The following SUPV3L1 variants were observed in gnomAD, a reference collection of about 807,000 sequenced individuals.
The protein encoded by SUPV3L1 is Suv3 like RNA helicase.
SUPV3L1 carries 35 observed loss-of-function variants against 70.0 expected under a neutral mutation model. The ratio of observed to expected loss-of-function variants is 0.50; its 90% CI spans 0.38 to 0.66. The LOEUF is 0.66. Ranked by LOEUF, SUPV3L1 falls within the 30% of genes least tolerant of loss-of-function variation. SUPV3L1 has a pLI of 0.00. For missense variants in SUPV3L1, 777 were observed against 961.5 expected (o/e 0.81, Z 2.54); for synonymous variants, 364 against 341.9 (o/e 1.06, Z -0.71).
At position 69,187,669 on chromosome 10, in the gene SUPV3L1, T is replaced by A. The variant is rs1842269492; in HGVS notation, c.485T>A (p.Phe162Tyr). ...CATGCGGATGATTTATTCCCATTTT[T>A]CTTGAGACATGCCAAACAAATATTT... ...AAHADDLFPF[F>Y]LRHAKQIFPV... The change falls in exon 4 of 15, where the codon TTC (phenylalanine) becomes TAC (tyrosine). Residue 162 changes from phenylalanine (F) to tyrosine (Y), a missense_variant. By Grantham distance (22) the Phe-to-Tyr change is conservative. Coordinates refer to ENST00000359655, the MANE Select transcript of SUPV3L1 (RefSeq NM_003171.5). 6.2e-7 allele frequency: 1 copy of A among 1,612,810 alleles called. No individual in the cohort carries two copies. The highest frequency in any genetic ancestry group is 8.5e-7 in the Non-Finnish European group (1 of 1,179,600).
At chr10:69,185,653 T>C (rs11812219) in intron 1 of SUPV3L1, among the ~76,000 whole-genome samples, 6,410 of 151,674 alleles carry the variant, frequency 0.042, 482 homozygotes, top group African/African-American at 0.15. Flanking sequence ...AGGCGCCCAA[T>C]AACAGGCCCA....
chr10:69,182,544 A>G (rs1842094885), intron 1 of SUPV3L1: 1 of 985,402 alleles, frequency 1.0e-6, no homozygotes. Context: ...CTGAAAATGT[A>G]AATGTCTTTG....
rs1842900794 is a variant in SUPV3L1, at chr10:69,208,660, A to G, written c.1986A>G (p.Leu662=). 2 of 1,614,238 alleles carry G rather than the reference A, an allele frequency of 1.2e-6. No individual in the cohort carries two copies. Among genetic ancestry groups the G allele is most frequent in the Non-Finnish European group, 1.7e-6 (2 of 1,180,030 alleles). ...ASLIRDLQKE[L]DGIIQDGVHN... ...TTATTCGAGATCTCCAGAAAGAACT[A>G]GATGGTATTATCCAAGATGGTGTGC... Residue 662 remains leucine (L), a synonymous_variant, in exon 15 of 15, where the codon CTA becomes CTG. Coordinates refer to ENST00000359655, the MANE Select transcript of SUPV3L1 (RefSeq NM_003171.5).
rs143044156 is a variant in SUPV3L1 at position 69,206,810 on chromosome 10, C to T, written c.1777-983C>T. ...GATCACAAGGTCGGGAGTTTGAGAC[C>T]AGCCTGACCAACATGATGAAACCCC... On this transcript the variant is annotated intron_variant, in intron 13 of 14. Transcript: ENST00000359655. 8.8e-3 allele frequency among the ~76,000 whole-genome samples: 1,345 copies of T among 152,240 alleles called. 10 individuals carry two copies. The highest frequency in any genetic ancestry group is 0.013 in the Non-Finnish European group (910 of 68,018).
At chr10:69,207,643 T>C in intron 13 of SUPV3L1, 150 bp from the exon 14 acceptor site, 1 of 898,778 alleles carries the variant, frequency 1.1e-6, no homozygotes, top group Admixed American at 2.9e-5. Context: ...TTCTTTAAAA[T>C]GTAGAAGAGT....
intron 1 of SUPV3L1, 70 bp downstream of exon 1, chr10:69,180,632 T>C: frequency 1.3e-6 from 2 of 1,570,968 alleles, no homozygotes; most frequent in South Asian, 1.1e-5. Context: ...GGGAGGAAGC[T>C]ACATCCCCTT....
At chr10:69,200,602 C>A in intron 11 of SUPV3L1, 103 bp downstream of exon 11, 5 of 1,023,986 alleles carry the variant, frequency 4.9e-6, no homozygotes, top group Non-Finnish European at 7.0e-6. Flanking sequence ...TGGATACAGA[C>A]ATAAGTGAAA....
intron 8 of SUPV3L1, among the ~76,000 whole-genome samples, chr10:69,197,716 T>G (rs1842577888): frequency 6.6e-6 from 1 of 152,108 alleles, no homozygotes. Context: ...ACTACAGGTG[T>G]TTGCCACCAT....
rs1238324157 is a variant in SUPV3L1, at chr10:69,200,421, A to C, written c.1440A>C (p.Glu480Asp). The stretch of plus-strand genomic sequence containing the variant: ...GCAGATTCAGCTCACGGTTTAAAGA[A>C]GGAGAGGTTACAACAATGAATCATG... ...RAGRFSSRFK[E>D]GEVTTMNHED... Residue 480 changes from glutamate (E) to aspartate (D), a missense_variant, in exon 11 of 15, where the codon GAA becomes GAC. Coordinates refer to ENST00000359655, the MANE Select transcript of SUPV3L1 (RefSeq NM_003171.5). 2 of 1,614,074 alleles carry C rather than the reference A, an allele frequency of 1.2e-6. No individual in the cohort carries two copies. Among genetic ancestry groups the C allele is most frequent in the East Asian group, 2.2e-5 (1 of 44,898 alleles).
chr10:69,185,898 C>T (rs780989084), intron 1 of SUPV3L1, 89 bp from the exon 2 acceptor site: 2 of 938,524 alleles, frequency 2.1e-6, no homozygotes, highest in Non-Finnish European at 3.5e-6. Context: ...AGACTGCTGC[C>T]TTTAGTGTTA....
rs1232048160 is a variant in SUPV3L1 at position 69,209,078 on chromosome 10, A to C, written c.*43A>C. 3.4e-6 allele frequency: 5 copies of C among 1,491,438 alleles called. No homozygotes were observed. Among genetic ancestry groups the C allele is most frequent in the Non-Finnish European group, 4.5e-6 (5 of 1,123,506 alleles). 92.4% of individuals were successfully genotyped at this position (1,491,438 alleles called of 1,614,324 possible). A position where few individuals can be genotyped will look rare whatever the true frequency, so the allele number is the denominator to read the frequency against. On this transcript the variant is annotated 3_prime_UTR_variant, in exon 15 of 15. Coordinates refer to ENST00000359655, the MANE Select transcript of SUPV3L1 (RefSeq NM_003171.5). The stretch of plus-strand genomic sequence containing the variant: ...TTTTTTTTTATTTAATTTTGCAAAT[A>C]AAAATTTATTTTGAATCCTTTTTCC...
At chr10:69,203,116 T>C in intron 13 of SUPV3L1, 73 bp downstream of exon 13, 1 of 1,448,222 alleles carries the variant, frequency 6.9e-7, no homozygotes, top group South Asian at 1.4e-5. Flanking sequence ...ACTTTGTTAT[T>C]CAAAATAAAA....
At chr10:69,196,853 T>A in intron 7 of SUPV3L1, 139 bp from the exon 8 acceptor site, 1 of 635,158 alleles carries the variant, frequency 1.6e-6, no homozygotes, top group Non-Finnish European at 2.7e-6. Context: ...AAGGTTTGCA[T>A]CAGAGATAAT....
chr10:69,181,597 T>G (rs1362808143), intron 1 of SUPV3L1, among the ~76,000 whole-genome samples: 1 of 152,192 alleles, frequency 6.6e-6, no homozygotes, highest in Non-Finnish European at 1.5e-5. Flanking sequence ...CTGAGTAATT[T>G]ATAAACAATA....
chr10:69,186,345 GAAAAA>G (rs71035072), intron 2 of SUPV3L1, 93 bp from the exon 3 acceptor site: 5 of 551,278 alleles, frequency 9.1e-6, no homozygotes, highest in Non-Finnish European at 1.5e-5. Context: ...AAAAAAAAAA[GAAAAA>G]AAAAGACTCT....
rs767234589 is a variant in SUPV3L1 at position 69,209,025 on chromosome 10, A to G, written c.2351A>G (p.Asp784Gly). 1.4e-5 allele frequency: 22 copies of G among 1,546,716 alleles called. No individual in the cohort carries two copies. The highest frequency in any genetic ancestry group is 3.5e-6 in the Non-Finnish European group (4 of 1,149,526). ...KGTRRKKKEP[D>G]SD ...ACGAGAAGAAAGAAGAAGGAACCTGATTCGGACTAGTTTTCTGTTCCTGTT... is the reference window on the plus strand; with the variant it reads ...ACGAGAAGAAAGAAGAAGGAACCTGGTTCGGACTAGTTTTCTGTTCCTGTT... Residue 784 changes from aspartate (D) to glycine (G), a missense_variant, in exon 15 of 15, where the codon GAT (aspartate) becomes GGT (glycine). By Grantham distance (94) the Asp-to-Gly change is moderately conservative. Around this residue, in one of 2 missense-constraint regions of SUPV3L1, gnomAD observed 619 missense variants for 823.3 expected, o/e 0.75. Transcript: ENST00000359655.
chr10:69,208,719 C>T lies in SUPV3L1; in HGVS notation c.2045C>T (p.Thr682Met), dbSNP rs750919497. Residue 682 changes from threonine to methionine, a missense_variant, in exon 15 of 15, where the codon ACG (threonine) becomes ATG (methionine). By Grantham distance (81) the Thr-to-Met change is moderately conservative. Coordinates refer to ENST00000359655, the MANE Select transcript of SUPV3L1 (RefSeq NM_003171.5). ...NITKLIKMSE[T>M]HKLLNLEGFP... is the part of the protein sequence containing the mutation. ...ACTAAATTGATTAAAATGTCTGAGA[C>T]GCATAAGCTGTTGAATTTGGAGGGC... 25 of 1,614,004 alleles carry T rather than the reference C, an allele frequency of 1.5e-5. No homozygotes were observed. Among genetic ancestry groups the T allele is most frequent in the Middle Eastern group, 1.6e-4 (1 of 6,084 alleles).
rs1842920262 is a variant in SUPV3L1 at position 69,209,082 on chromosome 10, A to G, written c.*47A>G. On this transcript the variant is annotated 3_prime_UTR_variant, in exon 15 of 15. Coordinates refer to ENST00000359655, the MANE Select transcript of SUPV3L1 (RefSeq NM_003171.5). ...TTTTTATTTAATTTTGCAAATAAAA[A>G]TTTATTTTGAATCCTTTTTCCTCAT... 1.3e-6 allele frequency: 2 copies of G among 1,482,464 alleles called. No homozygotes were observed. Among genetic ancestry groups the G allele is most frequent in the East Asian group, 4.8e-5 (2 of 41,746 alleles). The allele number at this position is 1,482,464 out of a possible 1,614,324, so 91.8% of individuals were successfully genotyped here.
chr10:69,187,536 C>A, intron 3 of SUPV3L1, 106 bp from the exon 4 acceptor site: 1 of 707,512 alleles, frequency 1.4e-6, no homozygotes, highest in Non-Finnish European at 2.3e-6. Flanking sequence ...TCTTTTTACC[C>A]TGGCAGTGCC....
Sources: allele counts gnomAD v4.1 joint callset (sites outside exome capture counted in the v4.1 genomes callset), GRCh38; gene constraint gnomAD v4.1.1; regional missense constraint gnomAD v4.1.1; transcripts MANE v1.5; gene names NCBI Gene and HGNC (gene_info 2026-07-23, HGNC 2026-07-21).